Variants in GALNT13 observed in about 807,000 individuals in gnomAD.
The protein encoded by GALNT13 is polypeptide N-acetylgalactosaminyltransferase 13, also known as UDP-GalNAc:polypeptide N-acetylgalactosaminyltransferase 13.
A neutral mutation model predicts 64.2 loss-of-function variants in GALNT13; 28 were observed. The observed-to-expected ratio is 0.44, with a 90% CI of 0.32 to 0.60. The LOEUF (loss-of-function observed/expected upper bound fraction) is 0.60, where lower values mean the gene tolerates loss of function less well. Among genes scored for constraint, GALNT13 ranks in the 20% least tolerant of loss-of-function variants. GALNT13 has a pLI of 0.05. For missense variants in GALNT13, 577 were observed against 669.8 expected (o/e 0.86, Z 1.53); for synonymous variants, 214 against 224.6 (o/e 0.95, Z 0.42).
chr2:153,569,210 C>T, the GALNT13 span, among the ~76,000 whole-genome samples: 1 of 152,072 alleles, frequency 6.6e-6, no homozygotes, highest in Non-Finnish European at 1.5e-5. Context: ...ATTCTATATT[C>T]TTGTCAATAC....
chr2:153,300,593 A>G, the GALNT13 span, among the ~76,000 whole-genome samples: 1 of 152,176 alleles, frequency 6.6e-6, no homozygotes, highest in African/African-American at 2.4e-5. Context: ...TCCTCAAACC[A>G]ATGTCATTAC....
At chr2:154,042,628 G>A (rs1699041588) in intron 3 of GALNT13, among the ~76,000 whole-genome samples, 1 of 146,194 alleles carries the variant, frequency 6.8e-6, no homozygotes, top group Admixed American at 6.9e-5. Context: ...CAAATAAAAT[G>A]TCAGTCTTAT....
At chr2:153,442,402 A>G in the GALNT13 span, among the ~76,000 whole-genome samples, 1 of 152,064 alleles carries the variant, frequency 6.6e-6, no homozygotes, top group Non-Finnish European at 1.5e-5. Context: ...TTTGCCTGAA[A>G]TTTTCTTTTT....
chr2:153,434,249 T>C, the GALNT13 span, among the ~76,000 whole-genome samples: 1,521 of 152,238 alleles, frequency 1.0e-2, 70 homozygotes, highest in Admixed American at 0.065. Flanking sequence ...TTTGGGTTGG[T>C]TCCAAGTCTT....
intron 11 of GALNT13, among the ~76,000 whole-genome samples, chr2:154,429,019 A>G (rs932850831): frequency 2.0e-5 from 3 of 151,898 alleles, no homozygotes; most frequent in African/African-American, 7.3e-5. Context: ...TGACTGCTCC[A>G]CAGACTGGCC....
chr2:153,925,189 A>G (rs1207481228), intron 2 of GALNT13, among the ~76,000 whole-genome samples: 1 of 151,720 alleles, frequency 6.6e-6, no homozygotes, highest in Admixed American at 6.6e-5. Context: ...AGTTTTGGGT[A>G]TGTATTCACA....
chr2:154,070,605 CAG>C (rs1234815710), intron 3 of GALNT13, among the ~76,000 whole-genome samples: 1 of 151,964 alleles, frequency 6.6e-6, no homozygotes, highest in African/African-American at 2.4e-5. Flanking sequence ...TTGTGATAAA[CAG>C]AGATTCAAGT....
chr2:154,241,810 G>A (rs1185165634), intron 4 of GALNT13, among the ~76,000 whole-genome samples: 2 of 152,118 alleles, frequency 1.3e-5, no homozygotes, highest in Admixed American at 6.5e-5. Context: ...CCCTGCAGGA[G>A]TTAAAATAAA....
chr2:153,188,198 T>C, the GALNT13 span, among the ~76,000 whole-genome samples: 1 of 152,014 alleles, frequency 6.6e-6, no homozygotes, highest in Admixed American at 6.6e-5. Context: ...TTCCTCAAAC[T>C]GAACTGAAGC....
chr2:153,792,260 G>C, the GALNT13 span, among the ~76,000 whole-genome samples: 1 of 151,744 alleles, frequency 6.6e-6, no homozygotes, highest in Non-Finnish European at 1.5e-5. Flanking sequence ...AAAAAAGATA[G>C]TTCCATGGTT....
At chr2:153,980,540 C>T (rs772567521) in intron 3 of GALNT13, among the ~76,000 whole-genome samples, 5 of 151,948 alleles carry the variant, frequency 3.3e-5, no homozygotes, top group Non-Finnish European at 5.9e-5. Flanking sequence ...TGAGGTGTCG[C>T]GTGGGTGATC....
At chr2:154,006,547 G>C (rs531276939) in intron 3 of GALNT13, among the ~76,000 whole-genome samples, 26 of 152,072 alleles carry the variant, frequency 1.7e-4, no homozygotes, top group Non-Finnish European at 2.8e-4. Context: ...TGGACTGTGG[G>C]TTCCAATAAC....
chr2:154,225,160 T>TAGATA (rs1553499132), intron 4 of GALNT13, among the ~76,000 whole-genome samples: 8,526 of 137,592 alleles, frequency 0.062, 318 homozygotes, highest in Middle Eastern at 0.091. Flanking sequence ...GATAGATAGA[T>TAGATA]GATAGATAGA....
chr2:154,195,335 C>T (rs1686820318), intron 4 of GALNT13, among the ~76,000 whole-genome samples: 3 of 152,202 alleles, frequency 2.0e-5, no homozygotes, highest in African/African-American at 7.2e-5. Flanking sequence ...CTATTAAAAA[C>T]AGTTTTTCAT....
intron 3 of GALNT13, among the ~76,000 whole-genome samples, chr2:153,952,229 G>T (rs1692240022): frequency 6.6e-6 from 1 of 152,156 alleles, no homozygotes; most frequent in South Asian, 2.1e-4. Context: ...CAAACACTTT[G>T]TGGAAATTTG....
chr2:153,916,000 T>TA (rs137937758), intron 2 of GALNT13, among the ~76,000 whole-genome samples: 8,326 of 152,126 alleles, frequency 0.055, 330 homozygotes, highest in South Asian at 0.11. Flanking sequence ...AAGGGAAAGA[T>TA]AGATATTTAG....
intron 3 of GALNT13, among the ~76,000 whole-genome samples, chr2:154,117,894 C>A (rs895780433): frequency 6.6e-6 from 1 of 152,136 alleles, no homozygotes; most frequent in Non-Finnish European, 1.5e-5. Context: ...TTCATTTAAT[C>A]TTCTGAAATT....
At chr2:153,476,905 C>G in the GALNT13 span, among the ~76,000 whole-genome samples, 16 of 152,166 alleles carry the variant, frequency 1.1e-4, no homozygotes, top group Admixed American at 4.6e-4. Context: ...TGGGCAGCAT[C>G]CCAAAGCCGC....
At position 154,253,690 on chromosome 2, in the gene GALNT13, C is replaced by T. The variant is rs190684284; in HGVS notation, c.858-5331C>T. ...TAAAACTCCTATTAGATGATAGAGCCTTTGAAAATCTTGCAATTAGTGAAA... is the reference window on the plus strand; with the variant it reads ...TAAAACTCCTATTAGATGATAGAGCTTTTGAAAATCTTGCAATTAGTGAAA... On this transcript the variant is annotated intron_variant, in intron 7 of 12. Coordinates refer to ENST00000392825, the MANE Select transcript of GALNT13 (RefSeq NM_052917.4). Among the ~76,000 whole-genome samples, 32 of 152,226 alleles carry T rather than the reference C, an allele frequency of 2.1e-4. No homozygotes were observed. The East Asian group carries it at 3.5e-3, about 17-fold the overall frequency.
Sources: gnomAD v4.1 joint callset for allele counts (sites outside exome capture counted in the v4.1 genomes callset) on GRCh38, gnomAD v4.1.1 for gene constraint, MANE v1.5 for transcripts, NCBI Gene and HGNC (gene_info 2026-07-23, HGNC 2026-07-21) for gene names.